WWOX: variants seen among roughly 807,000 people sequenced by gnomAD.
WWOX encodes the protein WW domain containing oxidoreductase, also known as WW domain-containing oxidoreductase.
A neutral mutation model predicts 46.2 loss-of-function variants in WWOX; 69 were observed. The observed-to-expected ratio is 1.49, with a 90% CI of 1.23 to 1.82. The LOEUF (loss-of-function observed/expected upper bound fraction) is 1.82. Among genes scored for constraint, WWOX ranks in the 40% most tolerant of loss-of-function variants. The pLI is 0.00. For synonymous variants in WWOX, 359 were observed against 202.6 expected (o/e 1.77, Z -6.56); for missense variants, 919 against 542.6 (o/e 1.69, Z -6.89).
chr16:78,366,396 A>G (rs1451260179), intron 5 of WWOX, among the ~76,000 whole-genome samples: 1 of 152,126 alleles, frequency 6.6e-6, no homozygotes, highest in Non-Finnish European at 1.5e-5. Flanking sequence ...TTTATTGTAT[A>G]TTTCATCAAA....
intron 8 of WWOX, among the ~76,000 whole-genome samples, chr16:78,681,837 T>C (rs1235894384): frequency 6.6e-6 from 1 of 152,302 alleles, no homozygotes; most frequent in East Asian, 1.9e-4. Flanking sequence ...TCTTCAACTT[T>C]GGTGTGAGAC....
intron 8 of WWOX, among the ~76,000 whole-genome samples, chr16:78,736,123 A>G (rs1248700862): frequency 6.6e-6 from 1 of 152,180 alleles, no homozygotes; most frequent in Non-Finnish European, 1.5e-5. Context: ...TGAGGAAAAC[A>G]ACATAGGAAA....
chr16:79,010,927 C>T (rs1486582157), intron 8 of WWOX, among the ~76,000 whole-genome samples: 1 of 151,930 alleles, frequency 6.6e-6, no homozygotes, highest in African/African-American at 2.4e-5. Context: ...CTCGGAGGTC[C>T]TGCCATGGCT....
At chr16:78,110,211 G>A (rs778167260) in intron 3 of WWOX, among the ~76,000 whole-genome samples, 6 of 151,840 alleles carry the variant, frequency 4.0e-5, no homozygotes, top group East Asian at 1.9e-4. Flanking sequence ...GTGGTGGCAC[G>A]TGCCTGTGGT....
chr16:78,326,524 C>T (rs1203781931), intron 5 of WWOX, among the ~76,000 whole-genome samples: 1 of 141,242 alleles, frequency 7.1e-6, no homozygotes, highest in East Asian at 2.1e-4. Flanking sequence ...TACTGTGTTT[C>T]TCTGGATGTA....
intron 8 of WWOX, among the ~76,000 whole-genome samples, chr16:78,714,801 C>T (rs564876547): frequency 1.3e-5 from 2 of 152,042 alleles, no homozygotes; most frequent in African/African-American, 4.8e-5. Context: ...CCTTGTAAAC[C>T]AAGGTGAGGA....
rs567659899 is a variant in WWOX at position 78,466,980 on chromosome 16, C to A, written c.1056+34228C>A. Among the ~76,000 whole-genome samples, 6 of 152,004 alleles carry A rather than the reference C, an allele frequency of 3.9e-5. No individual in the cohort carries two copies. In the South Asian group the frequency reaches 1.2e-3, roughly 31 times the overall value. Reference sequence around the variant, plus strand: ...ACAGATCTTAGAGAGGGACACCGATCCCTACCCTGCATGGGGTTATTCACA... The same window carrying A: ...ACAGATCTTAGAGAGGGACACCGATACCTACCCTGCATGGGGTTATTCACA... On this transcript the variant is annotated intron_variant, in intron 8 of 8. Transcript: ENST00000566780.
intron 8 of WWOX, among the ~76,000 whole-genome samples, chr16:78,723,498 C>A (rs2048741963): frequency 1.3e-5 from 2 of 152,070 alleles, no homozygotes; most frequent in Admixed American, 6.6e-5. Context: ...CTCTTTCCAG[C>A]CTCATCTTCT....
At chr16:78,795,390 A>G (rs1196586501) in intron 8 of WWOX, among the ~76,000 whole-genome samples, 1 of 152,122 alleles carries the variant, frequency 6.6e-6, no homozygotes, top group Admixed American at 6.5e-5. Context: ...TGTTTTGTGA[A>G]TGAGTAGGAT....
At chr16:78,183,601 T>A (rs1168919566) in intron 5 of WWOX, among the ~76,000 whole-genome samples, 6 of 152,152 alleles carry the variant, frequency 3.9e-5, no homozygotes, top group Non-Finnish European at 7.3e-5. Context: ...CTTGTCAGGA[T>A]TAAATGAGAT....
chr16:78,842,377 C>G (rs2052176922), intron 8 of WWOX, among the ~76,000 whole-genome samples: 1 of 151,538 alleles, frequency 6.6e-6, no homozygotes, highest in South Asian at 2.1e-4. Flanking sequence ...GTGGTGCACA[C>G]CTGTAGGCTG....
At chr16:79,124,021 C>T (rs938954374) in intron 8 of WWOX, among the ~76,000 whole-genome samples, 8 of 152,130 alleles carry the variant, frequency 5.3e-5, no homozygotes, top group African/African-American at 1.9e-4. Context: ...CTTCTCGAGC[C>T]CCTGATTGTC....
chr16:78,361,507 A>G (rs1302532816), intron 5 of WWOX, among the ~76,000 whole-genome samples: 3 of 152,190 alleles, frequency 2.0e-5, no homozygotes, highest in African/African-American at 4.8e-5. Flanking sequence ...AGTGTTTACC[A>G]TGATGCTTGG....
intron 8 of WWOX, among the ~76,000 whole-genome samples, chr16:78,462,708 A>G (rs2083980287): frequency 6.6e-6 from 1 of 152,158 alleles, no homozygotes; most frequent in Non-Finnish European, 1.5e-5. Flanking sequence ...AGGTGCAATA[A>G]CATCTTAATA....
At chr16:78,440,844 C>G (rs1312239877) in intron 8 of WWOX, among the ~76,000 whole-genome samples, 1 of 151,918 alleles carries the variant, frequency 6.6e-6, no homozygotes, top group Non-Finnish European at 1.5e-5. Context: ...GTCTCAAACT[C>G]CTGACCTCAG....
chr16:78,742,293 C>T (rs1021537040), intron 8 of WWOX, among the ~76,000 whole-genome samples: 1 of 152,184 alleles, frequency 6.6e-6, no homozygotes, highest in Non-Finnish European at 1.5e-5. Flanking sequence ...AGGGAAAACG[C>T]AGACTCATGT....
intron 8 of WWOX, 117 bp from the exon 9 acceptor site, chr16:79,211,491 T>C (rs968386473): frequency 1.3e-5 from 17 of 1,327,500 alleles, no homozygotes; most frequent in Middle Eastern, 2.5e-4. Context: ...TATGCCAAGA[T>C]CCAGCTGAAA....
At position 78,609,063 on chromosome 16, in the gene WWOX, T is replaced by C. The variant is rs181018827; in HGVS notation, c.1056+176311T>C. Among the ~76,000 whole-genome samples, 324 of 152,336 alleles carry C rather than the reference T, an allele frequency of 2.1e-3. 4 individuals carry two copies. The highest frequency in any genetic ancestry group is 0.019 in the Admixed American group (295 of 15,306). ...ATTAAAATGATAGAAAAATTAGTTA[T>C]TAAACAGTATGTCAAATACCTTTCT... On this transcript the variant is annotated intron_variant, in intron 8 of 8. Transcript: ENST00000566780.
At chr16:79,025,605 G>C (rs890353204) in intron 8 of WWOX, among the ~76,000 whole-genome samples, 4 of 152,012 alleles carry the variant, frequency 2.6e-5, no homozygotes, top group Non-Finnish European at 5.9e-5. Context: ...CCCCCAGAAG[G>C]AACTAAGCCT....
Sources: allele counts gnomAD v4.1 joint callset (sites outside exome capture counted in the v4.1 genomes callset), GRCh38; gene constraint gnomAD v4.1.1; transcripts MANE v1.5; gene names NCBI Gene and HGNC (gene_info 2026-07-23, HGNC 2026-07-21).